The following CORO2B variants were observed in gnomAD, a reference collection of about 807,000 sequenced individuals.
CORO2B encodes coronin 2B, also known as coronin-2B.
CORO2B carries 26 observed loss-of-function variants against 58.8 expected under a neutral mutation model. The observed-to-expected ratio is 0.44, with a 90% CI of 0.32 to 0.61. The LOEUF (loss-of-function observed/expected upper bound fraction) is 0.61, where lower values mean the gene tolerates loss of function less well. Among genes scored for constraint, CORO2B ranks in the 20% least tolerant of loss-of-function variants. CORO2B has a pLI of 0.04. For synonymous variants in CORO2B, 242 were observed against 253.8 expected, an observed-to-expected ratio of 0.95 and a Z score of 0.44; for missense variants, 460 against 645.1, an observed-to-expected ratio of 0.71 and a Z score of 3.11.
At chr15:68,571,788 G>A in the CORO2B span, among the ~76,000 whole-genome samples, 2 of 152,232 alleles carry the variant, frequency 1.3e-5, no homozygotes, top group African/African-American at 4.8e-5. Context: ...ATCAAGAAGA[G>A]ACCCTGGCAA....
At chr15:68,583,405 C>T (rs559379161) in intron 1 of CORO2B, among the ~76,000 whole-genome samples, 37 of 152,300 alleles carry the variant, frequency 2.4e-4, no homozygotes, top group African/African-American at 8.9e-4. Flanking sequence ...GCACCTCGGT[C>T]CTGACTCATG....
At chr15:68,639,017 C>T (rs1038746761) in intron 1 of CORO2B, among the ~76,000 whole-genome samples, 4 of 152,126 alleles carry the variant, frequency 2.6e-5, no homozygotes, top group East Asian at 3.9e-4. Context: ...GACAGGGCTG[C>T]GTGACCAGAA....
intron 2 of CORO2B, among the ~76,000 whole-genome samples, chr15:68,681,399 G>A (rs2140302621): frequency 6.9e-6 from 1 of 144,788 alleles, no homozygotes; most frequent in South Asian, 2.1e-4. Flanking sequence ...GGCCAGTGAG[G>A]AGCCCCCTGA....
chr15:68,696,124 C>T (rs541880190), intron 3 of CORO2B, among the ~76,000 whole-genome samples: 2 of 151,670 alleles, frequency 1.3e-5, no homozygotes, highest in African/African-American at 4.8e-5. Flanking sequence ...GTGGTGCACA[C>T]CTGTAGTCCC....
chr15:68,575,133 G>A (rs1027481110), upstream of CORO2B, among the ~76,000 whole-genome samples: 1 of 152,126 alleles, frequency 6.6e-6, no homozygotes, highest in African/African-American at 2.4e-5. Flanking sequence ...CTCTGAAGCT[G>A]AGAGGCCTGC....
At chr15:68,559,469 C>T in the CORO2B span, 2 of 374,722 alleles carry the variant, frequency 5.3e-6, no homozygotes, top group Non-Finnish European at 7.4e-6. This position sits in a 1 kb window ranked among gnomAD's most constrained non-coding sequence, Gnocchi z 4.3. Flanking sequence ...AATCCCTGCC[C>T]CAGTCTTGAG....
the CORO2B span, among the ~76,000 whole-genome samples, chr15:68,557,873 A>C: frequency 6.6e-6 from 1 of 152,168 alleles, no homozygotes; most frequent in Admixed American, 6.5e-5. Flanking sequence ...CAGGCATGAG[A>C]GTTGCCAGCA....
At chr15:68,610,845 C>T (rs1234346732) in intron 1 of CORO2B, among the ~76,000 whole-genome samples, 2 of 152,206 alleles carry the variant, frequency 1.3e-5, no homozygotes, top group African/African-American at 4.8e-5. Context: ...GAACCTTAGA[C>T]ACTTCACTGT....
chr15:68,612,682 G>C (rs938310060), intron 1 of CORO2B, among the ~76,000 whole-genome samples: 1 of 152,208 alleles, frequency 6.6e-6, no homozygotes, highest in Non-Finnish European at 1.5e-5. Flanking sequence ...ATGATAACTT[G>C]CTCTCTAACT....
intron 1 of CORO2B, among the ~76,000 whole-genome samples, chr15:68,589,652 GT>G (rs1020264941): frequency 2.6e-5 from 4 of 152,220 alleles, no homozygotes; most frequent in African/African-American, 9.6e-5. Flanking sequence ...AATTCTGTGG[GT>G]TTTTTTCTAG....
rs2140340185 is a variant in CORO2B at position 68,726,040 on chromosome 15, CT to C, written c.*68del. 2 of 1,592,052 alleles carry C rather than the reference CT, an allele frequency of 1.3e-6. No homozygotes were observed. The highest frequency in any genetic ancestry group is 4.5e-5 in the East Asian group (2 of 44,550). On this transcript the variant is annotated 3_prime_UTR_variant, in exon 12 of 12. Transcript: ENST00000261861. ...TTTCTACTCATCCCTTAACTTCTCC[CT>C]TACCAGTGACCCCAGAGACAGAGCC...
chr15:68,714,749 G>A (rs1892993156), intron 7 of CORO2B, 86 bp downstream of exon 7: 4 of 1,031,412 alleles, frequency 3.9e-6, no homozygotes, highest in East Asian at 2.4e-5. Flanking sequence ...ACCCCCTGGA[G>A]AGTAGCCAGC....
rs770086605 is a variant in CORO2B, at chr15:68,714,066, G to A, written c.765+25G>A. ...GGTCAGCCACGGGGAGGCCTGCTGG[G>A]TTTGGGCTAAAGGAAGCATCGTTGC... On this transcript the variant is annotated intron_variant, in intron 6 of 11. Coordinates refer to ENST00000261861, the MANE Select transcript of CORO2B (RefSeq NM_006091.5). 4 of 1,533,920 alleles carry A rather than the reference G, an allele frequency of 2.6e-6. No individual in the cohort carries two copies. The South Asian group carries it at 3.4e-5, about 13-fold the overall frequency.
intron 3 of CORO2B, among the ~76,000 whole-genome samples, chr15:68,706,211 C>A (rs539966137): frequency 2.4e-4 from 37 of 152,310 alleles, no homozygotes; most frequent in African/African-American, 8.4e-4. Context: ...TGGCGCCCGA[C>A]CCCACACACA....
rs1433902479 is a variant in CORO2B at position 68,579,267 on chromosome 15, C to T, written c.5C>T (p.Thr2Ile). 12 of 1,273,212 alleles carry T rather than the reference C, an allele frequency of 9.4e-6. No homozygotes were observed. The highest frequency in any genetic ancestry group is 1.2e-5 in the Non-Finnish European group (12 of 1,003,954). The allele number at this position is 1,273,212 out of a possible 1,614,324, so 78.9% of individuals were successfully genotyped here. ...GCTCCGCCGCGGAGTTTCTGCATGA[C>T]TGTCACAAAGGTAAGCGCCGCTCGC... M[T>I]VTKMSWRPQY... Residue 2 changes from threonine to isoleucine, a missense_variant, in exon 1 of 12, where the codon ACT becomes ATT. Transcript: ENST00000261861.
chr15:68,587,919 A>T (rs1487962548), intron 1 of CORO2B, among the ~76,000 whole-genome samples: 1 of 152,192 alleles, frequency 6.6e-6, no homozygotes, highest in Non-Finnish European at 1.5e-5. Flanking sequence ...GGTCCAGAGC[A>T]TGGGACCTGG....
chr15:68,577,724 C>CAAA (rs11389925), upstream of CORO2B, among the ~76,000 whole-genome samples: 34 of 108,772 alleles, frequency 3.1e-4, no homozygotes, highest in South Asian at 6.5e-4. Context: ...ACTCCGGTCT[C>CAAA]AAAAAAAAAA....
rs1900067637 is a variant in CORO2B, at chr15:68,604,847, G to A, written c.15+25570G>A. ...AAGAAGTTTTGAGGCTGGGCATGGT[G>A]GCTCACGCCTGTAATTCCAGCACTT... On this transcript the variant is annotated intron_variant, in intron 1 of 11. Transcript: ENST00000261861. Among the ~76,000 whole-genome samples, 3 of 152,202 alleles carry A rather than the reference G, an allele frequency of 2.0e-5. No homozygotes were observed. The South Asian group carries it at 6.2e-4, about 32-fold the overall frequency.
At chr15:68,559,418 AC>A in the CORO2B span, among the ~76,000 whole-genome samples, 1 of 151,232 alleles carries the variant, frequency 6.6e-6, no homozygotes, top group Non-Finnish European at 1.5e-5. The surrounding 1 kb of genome is among the most constrained non-coding windows in gnomAD (Gnocchi z 4.3). Context: ...CGGTCAGAAG[AC>A]CCCTTGCGTC....
Sources: allele counts gnomAD v4.1 joint callset (sites outside exome capture counted in the v4.1 genomes callset), GRCh38; gene constraint gnomAD v4.1.1; non-coding constraint Gnocchi (gnomAD v3.1); transcripts MANE v1.5; gene names NCBI Gene and HGNC (gene_info 2026-07-23, HGNC 2026-07-21).